Variants in GLIS3 observed in about 807,000 individuals in gnomAD.
GLIS3 encodes zinc finger protein GLIS3.
GLIS3 carries 53 observed loss-of-function variants against 78.6 expected under a neutral mutation model. The ratio of observed to expected loss-of-function variants is 0.67; its 90% CI spans 0.54 to 0.85. The LOEUF (loss-of-function observed/expected upper bound fraction) is 0.85, where lower values mean the gene tolerates loss of function less well. Among genes scored for constraint, GLIS3 ranks in the 40% least tolerant of loss-of-function variants. GLIS3 has a pLI of 0.00. For missense variants in GLIS3, 1,703 were observed against 1,231.1 expected (o/e 1.38, Z -5.74); for synonymous variants, 684 against 509.9 (o/e 1.34, Z -4.60).
the GLIS3 span, among the ~76,000 whole-genome samples, chr9:4,414,740 G>T: frequency 6.6e-6 from 1 of 151,944 alleles, no homozygotes; most frequent in East Asian, 1.9e-4. Context: ...CTGCTAAATT[G>T]TTTTAGCCAG....
At chr9:3,976,027 A>G (rs749215322) in intron 4 of GLIS3, among the ~76,000 whole-genome samples, 2 of 152,174 alleles carry the variant, frequency 1.3e-5, no homozygotes, top group African/African-American at 2.4e-5. Flanking sequence ...ATTTATAAAT[A>G]TATCTGCTAA....
At chr9:4,301,520 C>G (rs1219792114), upstream of GLIS3, among the ~76,000 whole-genome samples, 2 of 152,194 alleles carry the variant, frequency 1.3e-5, no homozygotes, top group African/African-American at 2.4e-5. Context: ...TCATTAACTC[C>G]AGCCTTAAGG....
intron 6 of GLIS3, among the ~76,000 whole-genome samples, chr9:3,903,746 G>C (rs1173491587): frequency 6.6e-6 from 1 of 152,204 alleles, no homozygotes; most frequent in African/African-American, 2.4e-5. Context: ...TAGAGAAGGT[G>C]CCAAGTGCTA....
At chr9:3,919,891 C>T (rs1421236211) in intron 6 of GLIS3, among the ~76,000 whole-genome samples, 1 of 151,760 alleles carries the variant, frequency 6.6e-6, no homozygotes, top group Middle Eastern at 3.2e-3. Context: ...AAATACCCAG[C>T]AAACGGGTAT....
At chr9:4,011,511 C>T (rs960680317) in intron 4 of GLIS3, among the ~76,000 whole-genome samples, 2 of 152,178 alleles carry the variant, frequency 1.3e-5, no homozygotes, top group African/African-American at 4.8e-5. Flanking sequence ...GCACGGTACC[C>T]TCATTGATTC....
chr9:3,996,635 A>G (rs1000917904), intron 4 of GLIS3, among the ~76,000 whole-genome samples: 1 of 152,208 alleles, frequency 6.6e-6, no homozygotes, highest in Non-Finnish European at 1.5e-5. Flanking sequence ...TAGGAAAAAA[A>G]CTGCAAAACT....
intron 2 of GLIS3, among the ~76,000 whole-genome samples, chr9:4,128,307 C>A (rs1006944651): frequency 1.3e-5 from 2 of 152,208 alleles, no homozygotes; most frequent in African/African-American, 4.8e-5. Flanking sequence ...TCCCATCACA[C>A]ATGTGCCTCA....
chr9:4,068,865 G>A (rs192065137), intron 4 of GLIS3, among the ~76,000 whole-genome samples: 96 of 151,064 alleles, frequency 6.4e-4, no homozygotes, highest in African/African-American at 2.3e-3. Context: ...TGTTTAATAT[G>A]TCTATTCAAT....
chr9:4,225,356 A>T (rs771901208), intron 2 of GLIS3, among the ~76,000 whole-genome samples: 1 of 152,168 alleles, frequency 6.6e-6, no homozygotes, highest in Non-Finnish European at 1.5e-5. Flanking sequence ...CTCTTTGGTA[A>T]TGGAACCTCT....
At chr9:4,376,707 A>G in the GLIS3 span, among the ~76,000 whole-genome samples, 2 of 135,468 alleles carry the variant, frequency 1.5e-5, 1 homozygote, top group African/African-American at 5.2e-5. Context: ...GTAATCAAAT[A>G]AATATAACAA....
the GLIS3 span, among the ~76,000 whole-genome samples, chr9:4,370,152 C>T: frequency 7.0e-6 from 1 of 142,558 alleles, no homozygotes; most frequent in Non-Finnish European, 1.5e-5. Context: ...AGATTGCACT[C>T]CAGCCTAGGC....
intron 4 of GLIS3, among the ~76,000 whole-genome samples, chr9:4,099,601 G>GGGGT (rs1830216272): frequency 6.6e-6 from 1 of 152,124 alleles, no homozygotes; most frequent in African/African-American, 2.4e-5. Flanking sequence ...TGAGGTACTG[G>GGGGT]GGGTGATGAC....
chr9:4,339,975 TCA>T (rs1817812022), intron 2 of GLIS3, among the ~76,000 whole-genome samples: 2 of 150,906 alleles, frequency 1.3e-5, no homozygotes, highest in Admixed American at 1.3e-4. Flanking sequence ...AAACATTCTC[TCA>T]TTTGGTATTG....
chr9:4,024,911 T>A (rs1413857226), intron 4 of GLIS3, among the ~76,000 whole-genome samples: 1 of 152,142 alleles, frequency 6.6e-6, no homozygotes, highest in South Asian at 2.1e-4. Context: ...GCCTGTCGTG[T>A]TCATCACTCG....
chr9:3,874,546 C>T (rs1821176314), intron 8 of GLIS3, among the ~76,000 whole-genome samples: 1 of 152,176 alleles, frequency 6.6e-6, no homozygotes, highest in Admixed American at 6.5e-5. Context: ...GTCAGATGTA[C>T]AGGCAAAATC....
At chr9:4,408,443 A>T in the GLIS3 span, among the ~76,000 whole-genome samples, 1 of 151,636 alleles carries the variant, frequency 6.6e-6, no homozygotes. Flanking sequence ...AAAAAAAAAA[A>T]AATAGGCCGG....
At chr9:4,142,967 T>G (rs1049397321) in intron 2 of GLIS3, among the ~76,000 whole-genome samples, 6 of 152,186 alleles carry the variant, frequency 3.9e-5, no homozygotes, top group African/African-American at 1.2e-4. Flanking sequence ...AGGTATCCGC[T>G]TCCCTTTCTT....
At chr9:4,298,342 C>A in intron 1 of GLIS3, 1 of 455,588 alleles carries the variant, frequency 2.2e-6, no homozygotes, top group Non-Finnish European at 4.4e-6. Flanking sequence ...GGCGCGAACG[C>A]GGAGCCAGAA....
intron 2 of GLIS3, among the ~76,000 whole-genome samples, chr9:4,170,422 CAT>C (rs35360687): frequency 0.38 from 57,186 of 151,812 alleles, 12,533 homozygotes; most frequent in East Asian, 0.66. Flanking sequence ...CAAAACCACA[CAT>C]GAGTCAGCAA....
Sources: gnomAD v4.1 joint callset for allele counts (sites outside exome capture counted in the v4.1 genomes callset) on GRCh38, gnomAD v4.1.1 for gene constraint, MANE v1.5 for transcripts, NCBI Gene and HGNC (gene_info 2026-07-23, HGNC 2026-07-21) for gene names.